ABCA9: variants seen among roughly 807,000 people sequenced by gnomAD.
The protein encoded by ABCA9 is ATP-binding cassette sub-family A member 9.
Under a neutral mutation model 205.3 loss-of-function variants are expected in ABCA9, and 183 were observed. That is an observed-to-expected ratio of 0.89 (90% CI 0.79 to 1.01). The LOEUF is 1.01. Among genes scored for constraint, ABCA9 ranks in the 50% least tolerant of loss-of-function variants. The probability of loss-of-function intolerance (pLI) is 0.00; values close to 1 mark genes in which losing one functional copy is unlikely to be tolerated. For synonymous variants in ABCA9, 651 were observed against 683.3 expected (o/e 0.95, Z 0.74); for missense variants, 1,805 against 1,912.4 (o/e 0.94, Z 1.05).
At chr17:69,053,137 G>C (rs946976724) in intron 1 of ABCA9, among the ~76,000 whole-genome samples, 1 of 152,188 alleles carries the variant, frequency 6.6e-6, no homozygotes, top group Admixed American at 6.5e-5. Flanking sequence ...GGCCATTGGA[G>C]ATTAACTCGA....
intron 25 of ABCA9, among the ~76,000 whole-genome samples, chr17:69,001,134 T>G (rs2069849871): frequency 6.6e-6 from 1 of 151,542 alleles, no homozygotes; most frequent in African/African-American, 2.4e-5. Context: ...CTAATTGCCC[T>G]GGCCAGAACG....
At chr17:68,986,383 A>C in intron 31 of ABCA9, 59 bp from the exon 32 acceptor site, 1 of 1,485,984 alleles carries the variant, frequency 6.7e-7, no homozygotes, top group Non-Finnish European at 9.1e-7. Flanking sequence ...ATGTATATGC[A>C]TGTAAGCCGT....
intron 1 of ABCA9, among the ~76,000 whole-genome samples, chr17:69,059,852 A>C (rs564153481): frequency 8.6e-4 from 131 of 152,270 alleles, no homozygotes; most frequent in African/African-American, 3.1e-3. Context: ...TCCAGAAGTG[A>C]CCAAAGAAAT....
the ABCA9 span, among the ~76,000 whole-genome samples, chr17:69,066,805 A>G: frequency 6.6e-6 from 1 of 152,222 alleles, no homozygotes; most frequent in Non-Finnish European, 1.5e-5. Context: ...TCAAATAGGT[A>G]TCAAGGAGAG....
chr17:69,047,122 C>G lies in ABCA9; in HGVS notation c.305-1786G>C, dbSNP rs181277989. On this transcript the variant is annotated intron_variant, in intron 3 of 38. Transcript: ENST00000340001. ...GATTACAGGCACATGCCACCACACC[C>G]AGCTAATTTTTGTATTTTTAGTAGA... 3.8e-3 allele frequency among the ~76,000 whole-genome samples: 581 copies of G among 151,038 alleles called. 4 individuals are homozygous for G. The highest frequency in any genetic ancestry group is 0.013 in the African/African-American group (546 of 41,082).
chr17:69,021,663 T>C, intron 18 of ABCA9, 79 bp downstream of exon 18: 2 of 976,340 alleles, frequency 2.0e-6, no homozygotes, highest in South Asian at 1.7e-5. Flanking sequence ...CACACAAAGA[T>C]AAAATCTTTC....
the ABCA9 span, among the ~76,000 whole-genome samples, chr17:69,073,852 C>T: frequency 5.9e-5 from 9 of 152,018 alleles, no homozygotes; most frequent in East Asian, 3.9e-4. Flanking sequence ...ACATACCACC[C>T]GGCTAACTTT....
intron 25 of ABCA9, among the ~76,000 whole-genome samples, chr17:69,000,202 A>C (rs2069800012): frequency 6.6e-6 from 1 of 151,916 alleles, no homozygotes; most frequent in Non-Finnish European, 1.5e-5. Flanking sequence ...GTCCTTGCCC[A>C]TGCCTATGTC....
Position 69,044,618 on chromosome 17 carries a change from A to C in ABCA9, c.470-18T>G. ...ACAGTGAGCTTTAGAAGAAGAACAC[A>C]TCCATTATTACGGAATGATACAATC... On this transcript the variant is annotated intron_variant, in intron 4 of 38. Transcript: ENST00000340001. The C allele has an allele frequency of 6.2e-7, 1 of 1,603,444 alleles. No individual in the cohort carries two copies. The highest frequency in any genetic ancestry group is 8.5e-7 in the Non-Finnish European group (1 of 1,172,306).
At chr17:69,039,578 C>T (rs954313990) in intron 6 of ABCA9, among the ~76,000 whole-genome samples, 2 of 152,004 alleles carry the variant, frequency 1.3e-5, no homozygotes, top group Non-Finnish European at 2.9e-5. Context: ...AAGACTTGAA[C>T]ATAAGATCTA....
chr17:69,011,204 G>A (rs1172108855), intron 23 of ABCA9, among the ~76,000 whole-genome samples: 2 of 152,142 alleles, frequency 1.3e-5, no homozygotes, highest in Non-Finnish European at 2.9e-5. Context: ...GAGGCATAGA[G>A]TGATTAAGTA....
At chr17:69,025,658 C>T (rs1002932056) in intron 16 of ABCA9, among the ~76,000 whole-genome samples, 2 of 152,098 alleles carry the variant, frequency 1.3e-5, no homozygotes, top group African/African-American at 2.4e-5. Flanking sequence ...ATTTATCCAT[C>T]AGGATGAAGT....
At chr17:69,034,317 A>T (rs181091965) in intron 8 of ABCA9, among the ~76,000 whole-genome samples, 2 of 152,074 alleles carry the variant, frequency 1.3e-5, no homozygotes, top group Admixed American at 6.6e-5. Flanking sequence ...AGCCTCCTGG[A>T]CCTAGGTGAT....
intron 6 of ABCA9, among the ~76,000 whole-genome samples, chr17:69,041,452 A>C (rs4968990): frequency 0.87 from 132,392 of 152,038 alleles, 58,595 homozygotes; most frequent in East Asian, 1. Flanking sequence ...ACCTGTAATC[A>C]CAGCACTTTG....
At chr17:68,995,756 G>T in intron 26 of ABCA9, 139 bp downstream of exon 26, 1 of 1,141,450 alleles carries the variant, frequency 8.8e-7, no homozygotes, top group Non-Finnish European at 1.2e-6. Context: ...TCCATGCGTG[G>T]CAAGAGAACT....
rs754843818 is a variant in ABCA9 at position 68,989,092 on chromosome 17, T to C, written c.3982A>G (p.Asn1328Asp). 6.2e-7 allele frequency: 1 copy of C among 1,613,160 alleles called. No homozygotes were observed. Among genetic ancestry groups the C allele is most frequent in the Non-Finnish European group, 8.5e-7 (1 of 1,179,156 alleles). Residue 1328 changes from asparagine to aspartate, a missense_variant, in exon 31 of 39, where the codon AAT becomes GAT. Physicochemically the swap from Asn to Asp is conservative, Grantham distance 23. Transcript: ENST00000340001. ...KGEVIGLLGHNGAGKSTTIKM... is the reference protein window; with the variant it reads ...KGEVIGLLGHDGAGKSTTIKM... ...ATAGTTGTACTTTTACCAGCTCCATTGTGTCCTAACAGTCCTATAACTTCA... is the reference window on the plus strand; with the variant it reads ...ATAGTTGTACTTTTACCAGCTCCATCGTGTCCTAACAGTCCTATAACTTCA...
upstream of ABCA9, among the ~76,000 whole-genome samples, chr17:69,063,273 C>T (rs1008757137): frequency 3.9e-5 from 6 of 152,170 alleles, no homozygotes; most frequent in Non-Finnish European, 8.8e-5. Flanking sequence ...TTCTCCAGTG[C>T]CAGAAACCTT....
intron 1 of ABCA9, among the ~76,000 whole-genome samples, chr17:69,060,301 G>C (rs1813648217): frequency 6.6e-6 from 1 of 152,092 alleles, no homozygotes; most frequent in Non-Finnish European, 1.5e-5. Context: ...TTCCCAGTCA[G>C]ATAAAATTCC....
At chr17:69,029,776 A>G (rs1312813219) in intron 10 of ABCA9, among the ~76,000 whole-genome samples, 1 of 152,238 alleles carries the variant, frequency 6.6e-6, no homozygotes, top group Admixed American at 6.5e-5. Flanking sequence ...TGTAGAGTAA[A>G]TAAGATAATA....
Sources: gnomAD v4.1 joint callset for allele counts (sites outside exome capture counted in the v4.1 genomes callset) on GRCh38, gnomAD v4.1.1 for gene constraint, MANE v1.5 for transcripts, NCBI Gene and HGNC (gene_info 2026-07-23, HGNC 2026-07-21) for gene names.